ART3: variants seen among roughly 807,000 people sequenced by gnomAD.
ART3 encodes the protein ADP-ribosyltransferase 3 (inactive).
Under a neutral mutation model 48.5 loss-of-function variants are expected in ART3, and 49 were observed. That is an observed-to-expected ratio of 1.01 (90% CI 0.80 to 1.28). ART3 has a LOEUF of 1.28. ART3 is among the 50% of genes most tolerant of loss of function. The pLI, the probability that ART3 is intolerant of heterozygous loss-of-function variation, is 0.00. For synonymous variants in ART3, 145 were observed against 157.2 expected (o/e 0.92, Z 0.58); for missense variants, 438 against 454.3 (o/e 0.96, Z 0.33).
chr4:76,050,607 C>T (rs1363729605), intron 1 of ART3, among the ~76,000 whole-genome samples: 2 of 152,246 alleles, frequency 1.3e-5, no homozygotes, highest in Non-Finnish European at 2.9e-5. Flanking sequence ...GTGGATCCCG[C>T]ACCAGGGCTG....
intron 1 of ART3, among the ~76,000 whole-genome samples, chr4:76,067,647 CGTA>C (rs1719874921): frequency 6.6e-6 from 1 of 152,166 alleles, no homozygotes; most frequent in Non-Finnish European, 1.5e-5. Flanking sequence ...TGGAAATCAA[CGTA>C]GTTCACAAAC....
chr4:76,111,644 A>G (rs56674401), intron 11 of ART3, among the ~76,000 whole-genome samples: 19,993 of 152,058 alleles, frequency 0.13, 1,538 homozygotes, highest in East Asian at 0.35. Context: ...CCAGGTTCAC[A>G]CCATTCTCCT....
chr4:76,053,076 C>T (rs1736290670), intron 1 of ART3, among the ~76,000 whole-genome samples: 1 of 152,084 alleles, frequency 6.6e-6, no homozygotes, highest in African/African-American at 2.4e-5. Flanking sequence ...TTATTTGTTC[C>T]CTGAAAGTTG....
rs144941601 is a variant in ART3, at chr4:76,096,111, C to T, written c.782-1533C>T. On this transcript the variant is annotated intron_variant, in intron 3 of 11. Transcript: ENST00000355810. ...CTAATTTTTGTATTTTTAGTGGAGA[C>T]GGGGTTTCACCATGTTGGCCAGGCT... Among the ~76,000 whole-genome samples, 13 of 152,128 alleles carry T rather than the reference C, an allele frequency of 8.5e-5. No homozygotes were observed. In the South Asian group the frequency reaches 1.0e-3, roughly 12 times the overall value.
At chr4:76,050,691 G>A (rs1424609098) in intron 1 of ART3, among the ~76,000 whole-genome samples, 2 of 152,196 alleles carry the variant, frequency 1.3e-5, no homozygotes, top group Admixed American at 1.3e-4. Context: ...ATGGGACTGG[G>A]CACCGTGGAG....
intron 1 of ART3, among the ~76,000 whole-genome samples, chr4:76,059,831 T>C (rs1196050062): frequency 6.6e-6 from 1 of 152,192 alleles, no homozygotes; most frequent in Non-Finnish European, 1.5e-5. Flanking sequence ...TTTGTACATG[T>C]CTCACAGAGA....
upstream of ART3, among the ~76,000 whole-genome samples, chr4:76,073,675 A>T (rs1720560594): frequency 6.6e-6 from 1 of 152,246 alleles, no homozygotes; most frequent in African/African-American, 2.4e-5. Flanking sequence ...CCCAGCTAAC[A>T]TCTCAGATGC....
chr4:76,082,507 C>A lies in ART3; in HGVS notation c.753C>A (p.Cys251Ter). The A allele has an allele frequency of 6.3e-7, 1 of 1,598,932 alleles. No homozygotes were observed. The highest frequency in any genetic ancestry group is 1.3e-5 in the African/African-American group (1 of 74,750). ...TCCTTCAAAGCATAAACAAGACCTG[C>A]AGCCATTATGAGTGTGCATTTCTAG... is the stretch of plus-strand genomic sequence containing the variant. ...NLILQSINKT[C>*]SHYECAFLGG... Residue 251 changes from cysteine to a stop codon, truncating the protein, a stop_gained, in exon 3 of 12, where the codon TGC (cysteine) becomes TGA (stop). Coordinates refer to ENST00000355810, the MANE Select transcript of ART3 (RefSeq NM_001130016.3). LOFTEE classifies it high-confidence loss of function.
chr4:76,052,723 T>TTTC, intron 1 of ART3, among the ~76,000 whole-genome samples: 1 of 149,760 alleles, frequency 6.7e-6, no homozygotes, highest in African/African-American at 2.4e-5. Context: ...TCCTTCTTTT[T>TTTC]TTTTTTTTTA....
Position 76,112,614 on chromosome 4 carries a change from C to A in ART3, c.*95C>A. 1 of 1,338,314 alleles carries A rather than the reference C, an allele frequency of 7.5e-7. No homozygotes were observed. The allele number at this position is 1,338,314 out of a possible 1,614,324, so 82.9% of individuals were successfully genotyped here. A position where few individuals can be genotyped will look rare whatever the true frequency, so the allele number is the denominator to read the frequency against. ...GAATGATGTATTTTTTACGTGTTGGCCAAAGTCACTGGATAAAATGAGAAT... is the reference window on the plus strand; with the variant it reads ...GAATGATGTATTTTTTACGTGTTGGACAAAGTCACTGGATAAAATGAGAAT... On this transcript the variant is annotated 3_prime_UTR_variant, in exon 12 of 12. Transcript: ENST00000355810.
chr4:76,101,622 C>A (rs1028024374), intron 8 of ART3, among the ~76,000 whole-genome samples: 2 of 152,060 alleles, frequency 1.3e-5, no homozygotes, highest in African/African-American at 4.8e-5. Flanking sequence ...CATGGTGGCA[C>A]ACGCCTGTAG....
intron 11 of ART3, 42 bp downstream of exon 11, chr4:76,107,835 C>G: frequency 7.0e-7 from 1 of 1,426,682 alleles, no homozygotes. Context: ...ATGCCTGCTT[C>G]TGTAATATAG....
At chr4:76,024,483 G>A (rs541827826) in intron 1 of ART3, among the ~76,000 whole-genome samples, 6 of 152,274 alleles carry the variant, frequency 3.9e-5, no homozygotes, top group South Asian at 4.1e-4. Context: ...ATGATGAATC[G>A]TGGCAAAACT....
At chr4:76,066,008 CAG>C (rs1373795927) in intron 1 of ART3, among the ~76,000 whole-genome samples, 1 of 152,230 alleles carries the variant, frequency 6.6e-6, no homozygotes, top group South Asian at 2.1e-4. Context: ...CAATGCCTAA[CAG>C]GAATTGGGAG....
At chr4:76,078,353 T>C (rs898129867) in intron 2 of ART3, among the ~76,000 whole-genome samples, 1 of 152,154 alleles carries the variant, frequency 6.6e-6, no homozygotes, top group African/African-American at 2.4e-5. Context: ...ATGTAAGGAA[T>C]GTGGGAGGTG....
Position 76,112,471 on chromosome 4 carries a change from CA to C in ART3, c.1123del (p.Ile375SerfsTer3). On this transcript the variant is annotated frameshift_variant, in exon 12 of 12. Transcript: ENST00000355810. LOFTEE classifies it low-confidence loss of function (END_TRUNC). ...KLLLPQFGMV[I>X]ILISVSAINL... The stretch of plus-strand genomic sequence containing the variant: ...TGCTGCTTCCACAGTTTGGGATGGT[CA>C]TCATTTTAATCAGTGTTTCTGCTAT... The C allele has an allele frequency of 1.2e-6, 2 of 1,613,580 alleles. No individual in the cohort carries two copies. Among genetic ancestry groups the C allele is most frequent in the Non-Finnish European group, 1.7e-6 (2 of 1,179,540 alleles).
intron 1 of ART3, among the ~76,000 whole-genome samples, chr4:76,050,277 T>A (rs968083697): frequency 6.6e-6 from 1 of 152,116 alleles, no homozygotes; most frequent in East Asian, 1.9e-4. Context: ...TTGGTAGAGC[T>A]GAGTGGTCTG....
In ART3 at chr4:76,047,636, C is replaced by G. The variant is rs150166802; in HGVS notation, c.-9-28245C>G. On this transcript the variant is annotated intron_variant, in intron 1 of 9. Transcript: ENST00000341029. ...CAACAGATGTTTACGACTCCAGTCCCCATGATCTGAGTCAAGGTCCCAGTG... is the reference window on the plus strand; with the variant it reads ...CAACAGATGTTTACGACTCCAGTCCGCATGATCTGAGTCAAGGTCCCAGTG... Among the ~76,000 whole-genome samples, 5 of 151,928 alleles carry G rather than the reference C, an allele frequency of 3.3e-5. 1 individual carries two copies. Among genetic ancestry groups the G allele is most frequent in the Non-Finnish European group, 5.9e-5 (4 of 67,904 alleles).
intron 1 of ART3, among the ~76,000 whole-genome samples, chr4:76,017,221 C>A (rs1732347109): frequency 6.6e-6 from 1 of 151,400 alleles, no homozygotes. Flanking sequence ...TCACCCAAGG[C>A]CCACTGTGTA....
Sources: allele counts gnomAD v4.1 joint callset (sites outside exome capture counted in the v4.1 genomes callset), GRCh38; gene constraint gnomAD v4.1.1; transcripts MANE v1.5; gene names NCBI Gene and HGNC (gene_info 2026-07-23, HGNC 2026-07-21).